The following ADGRB3 variants were observed in gnomAD, a reference collection of about 807,000 sequenced individuals.
The protein encoded by ADGRB3 is adhesion G protein-coupled receptor B3.
ADGRB3 carries 37 observed loss-of-function variants against 193.4 expected under a neutral mutation model. That is an observed-to-expected ratio of 0.19 (90% CI 0.15 to 0.25). ADGRB3 has a LOEUF of 0.25. ADGRB3 is among the 10% of genes least tolerant of loss of function. ADGRB3 has a pLI of 1.00. For synonymous variants in ADGRB3, 690 were observed against 644.2 expected, an observed-to-expected ratio of 1.07 and a Z score of -1.08; for missense variants, 1,637 against 1,852.9, an observed-to-expected ratio of 0.88 and a Z score of 2.14.
At chr6:69,150,306 C>T (rs1264980214) in intron 17 of ADGRB3, among the ~76,000 whole-genome samples, 1 of 152,152 alleles carries the variant, frequency 6.6e-6, no homozygotes, top group Admixed American at 6.5e-5. Flanking sequence ...AGCTGAGCTG[C>T]CATGCAAACC....
intron 3 of ADGRB3, among the ~76,000 whole-genome samples, chr6:68,705,231 G>T (rs974497997): frequency 4.6e-5 from 7 of 152,132 alleles, no homozygotes; most frequent in Non-Finnish European, 8.8e-5. Context: ...TCAATATAAT[G>T]TTTGCTTGTA....
chr6:68,977,731 T>C (rs1768789386), intron 10 of ADGRB3, among the ~76,000 whole-genome samples: 2 of 152,138 alleles, frequency 1.3e-5, no homozygotes. Context: ...TCCTACATAG[T>C]ACTAGGCACT....
intron 3 of ADGRB3, among the ~76,000 whole-genome samples, chr6:68,928,271 A>G (rs974549559): frequency 3.3e-5 from 5 of 152,186 alleles, no homozygotes; most frequent in Non-Finnish European, 7.3e-5. Flanking sequence ...CCTACCTGCA[A>G]TCCCAACAAT....
chr6:68,807,563 A>G (rs1372680163), intron 3 of ADGRB3, among the ~76,000 whole-genome samples: 5 of 152,038 alleles, frequency 3.3e-5, no homozygotes, highest in African/African-American at 7.2e-5. Context: ...TGTTAACACG[A>G]CAGTGATGAG....
intron 29 of ADGRB3, among the ~76,000 whole-genome samples, chr6:69,365,469 G>A (rs1455808262): frequency 6.6e-6 from 1 of 152,070 alleles, no homozygotes; most frequent in African/African-American, 2.4e-5. Context: ...GGTCCCCTAT[G>A]TGGCATCTCA....
At chr6:69,175,015 T>C (rs1428745364) in intron 17 of ADGRB3, among the ~76,000 whole-genome samples, 1 of 152,244 alleles carries the variant, frequency 6.6e-6, no homozygotes, top group Non-Finnish European at 1.5e-5. Flanking sequence ...TAGACCCTTG[T>C]CACATGCATA....
intron 30 of ADGRB3, among the ~76,000 whole-genome samples, chr6:69,377,613 TG>T: frequency 6.6e-6 from 1 of 152,144 alleles, no homozygotes; most frequent in South Asian, 2.1e-4. Flanking sequence ...TCACAGAAAC[TG>T]GTTTCTAATT....
intron 3 of ADGRB3, among the ~76,000 whole-genome samples, chr6:68,774,400 A>C (rs1234189943): frequency 6.9e-6 from 1 of 145,170 alleles, no homozygotes; most frequent in African/African-American, 2.6e-5. Context: ...TGGGGGGAAT[A>C]TGAAATTCCT....
chr6:69,384,960 C>T (rs1335235381), intron 31 of ADGRB3, among the ~76,000 whole-genome samples: 8 of 141,724 alleles, frequency 5.6e-5, no homozygotes, highest in East Asian at 4.1e-4. Context: ...CTTTTCTTTT[C>T]TTTTTTTTTT....
At chr6:68,959,076 T>C (rs1768161663) in intron 8 of ADGRB3, among the ~76,000 whole-genome samples, 1 of 152,288 alleles carries the variant, frequency 6.6e-6, no homozygotes, top group East Asian at 1.9e-4. Context: ...TCATATTAAT[T>C]ATTTAACTTT....
intron 17 of ADGRB3, among the ~76,000 whole-genome samples, chr6:69,215,314 T>A (rs545402524): frequency 6.6e-6 from 1 of 152,322 alleles, no homozygotes; most frequent in East Asian, 1.9e-4. Context: ...GGGATATCTG[T>A]GTACTATTTT....
chr6:68,730,813 G>A (rs1367874358), intron 3 of ADGRB3, among the ~76,000 whole-genome samples: 1 of 151,596 alleles, frequency 6.6e-6, no homozygotes, highest in Non-Finnish European at 1.5e-5. Context: ...ATTCATGCAT[G>A]AGTATCCCAG....
chr6:69,179,756 CTATG>C (rs1775531388), intron 17 of ADGRB3, among the ~76,000 whole-genome samples: 1 of 152,066 alleles, frequency 6.6e-6, no homozygotes, highest in Non-Finnish European at 1.5e-5. Context: ...TTCTGTAGCC[CTATG>C]TACTTCTGTC....
chr6:68,928,692 G>A (rs1030479703), intron 3 of ADGRB3, among the ~76,000 whole-genome samples: 1 of 152,086 alleles, frequency 6.6e-6, no homozygotes, highest in Non-Finnish European at 1.5e-5. Context: ...TAATTAATTT[G>A]TAGGCATGAA....
intron 31 of ADGRB3, among the ~76,000 whole-genome samples, chr6:69,384,589 A>G (rs1268751210): frequency 6.6e-6 from 1 of 152,072 alleles, no homozygotes; most frequent in East Asian, 1.9e-4. Flanking sequence ...TGGTCTGGGT[A>G]TTAAATCATT....
At chr6:69,285,042 G>C (rs1230495489) in intron 20 of ADGRB3, among the ~76,000 whole-genome samples, 1 of 152,158 alleles carries the variant, frequency 6.6e-6, no homozygotes, top group Non-Finnish European at 1.5e-5. Flanking sequence ...CACCTTTGTG[G>C]AGTTATAAGA....
At chr6:68,649,597 A>T (rs1003121695) in intron 3 of ADGRB3, among the ~76,000 whole-genome samples, 7 of 152,178 alleles carry the variant, frequency 4.6e-5, no homozygotes, top group African/African-American at 1.7e-4. Context: ...AAGATTATTA[A>T]ATTTAAAGAG....
At chr6:68,862,493 A>G (rs1289932323) in intron 3 of ADGRB3, among the ~76,000 whole-genome samples, 2 of 152,194 alleles carry the variant, frequency 1.3e-5, no homozygotes, top group African/African-American at 2.4e-5. Flanking sequence ...CTCTCCTGCA[A>G]TCTTCATAGT....
chr6:68,675,887 A>G (rs185920593), intron 3 of ADGRB3, among the ~76,000 whole-genome samples: 1 of 152,322 alleles, frequency 6.6e-6, no homozygotes, highest in East Asian at 1.9e-4. Context: ...CCAAATGAGT[A>G]GAAATTGAAG....
Sources: gnomAD v4.1 joint callset for allele counts (sites outside exome capture counted in the v4.1 genomes callset) on GRCh38, gnomAD v4.1.1 for gene constraint, MANE v1.5 for transcripts, NCBI Gene and HGNC (gene_info 2026-07-23, HGNC 2026-07-21) for gene names.